The following FNDC3B variants were observed in gnomAD, a reference collection of about 807,000 sequenced individuals.
FNDC3B encodes the protein fibronectin type III domain-containing protein 3B.
A neutral mutation model predicts 151.5 loss-of-function variants in FNDC3B; 12 were observed. That is an observed-to-expected ratio of 0.08 (90% CI 0.05 to 0.13). The LOEUF (loss-of-function observed/expected upper bound fraction) is 0.13, where lower values mean the gene tolerates loss of function less well. Among genes scored for constraint, FNDC3B ranks in the 10% least tolerant of loss-of-function variants. The pLI is 1.00. For missense variants in FNDC3B, 1,214 were observed against 1,505.3 expected (o/e 0.81, Z 3.20); for synonymous variants, 528 against 549.0 (o/e 0.96, Z 0.54).
At chr3:172,192,310 C>A (rs1724560716) in intron 3 of FNDC3B, among the ~76,000 whole-genome samples, 1 of 151,538 alleles carries the variant, frequency 6.6e-6, no homozygotes, top group African/African-American at 2.4e-5. Flanking sequence ...GTAGCTGGGA[C>A]CACAGGCATG....
chr3:172,138,748 A>G (rs948285565), intron 3 of FNDC3B, among the ~76,000 whole-genome samples: 2 of 152,252 alleles, frequency 1.3e-5, no homozygotes, highest in African/African-American at 4.8e-5. Context: ...ATAATTTAGG[A>G]ATCTTTTACC....
At chr3:172,074,682 C>G (rs1190588128) in intron 1 of FNDC3B, among the ~76,000 whole-genome samples, 1 of 152,124 alleles carries the variant, frequency 6.6e-6, no homozygotes, top group African/African-American at 2.4e-5. Flanking sequence ...GTAATTTAAG[C>G]CTGTTTTGAG....
rs567313221 is a variant in FNDC3B at position 172,118,382 on chromosome 3, G to C, written c.111+5792G>C. On this transcript the variant is annotated intron_variant, in intron 2 of 25. Coordinates refer to ENST00000415807, the MANE Select transcript of FNDC3B (RefSeq NM_022763.4). ...ATATACTGATAGCCACGGTGTCGGG[G>C]GACCCGTGAAGAGTTTTGCTTACAT... Among the ~76,000 whole-genome samples the C allele has an allele frequency of 1.6e-3, 246 of 152,270 alleles. 12 individuals are homozygous for C. In the South Asian group the frequency reaches 0.049, roughly 30 times the overall value.
At chr3:172,046,729 T>C (rs1287358876) in intron 1 of FNDC3B, among the ~76,000 whole-genome samples, 2 of 152,200 alleles carry the variant, frequency 1.3e-5, no homozygotes, top group Non-Finnish European at 2.9e-5. Flanking sequence ...ACAGTGTTAT[T>C]TGAGGTTCTA....
At chr3:172,127,118 A>G (rs1435173101) in intron 2 of FNDC3B, 3 of 454,684 alleles carry the variant, frequency 6.6e-6, no homozygotes, top group Non-Finnish European at 1.3e-5. Context: ...TTTGGTAAAA[A>G]ATTTTTCTTG....
At chr3:172,049,579 G>C (rs1465463981) in intron 1 of FNDC3B, among the ~76,000 whole-genome samples, 1 of 152,092 alleles carries the variant, frequency 6.6e-6, no homozygotes, top group African/African-American at 2.4e-5. Context: ...CCAGGGTGGA[G>C]TGCAATGGCG....
intron 1 of FNDC3B, among the ~76,000 whole-genome samples, chr3:172,074,435 A>G (rs535019265): frequency 1.3e-5 from 2 of 152,330 alleles, no homozygotes; most frequent in Admixed American, 6.5e-5. Flanking sequence ...TAAAAAGGAA[A>G]AATTAGCACA....
intron 25 of FNDC3B, among the ~76,000 whole-genome samples, chr3:172,387,179 A>G (rs1735761356): frequency 6.6e-6 from 1 of 152,106 alleles, no homozygotes; most frequent in African/African-American, 2.4e-5. Flanking sequence ...CTGGTCTTGA[A>G]CTGCTGACCT....
At chr3:172,291,475 T>C (rs1190303975) in intron 7 of FNDC3B, among the ~76,000 whole-genome samples, 1 of 152,198 alleles carries the variant, frequency 6.6e-6, no homozygotes, top group East Asian at 1.9e-4. Flanking sequence ...TGATTTATAA[T>C]TAGTATGTGA....
chr3:172,112,698 AT>A lies in FNDC3B; in HGVS notation c.111+111del, dbSNP rs1270071657. The A allele has an allele frequency of 3.8e-6, 3 of 781,542 alleles. No individual in the cohort carries two copies. In the Admixed American group the frequency reaches 5.9e-5, roughly 15 times the overall value. 48.4% of individuals were successfully genotyped at this position (781,542 alleles called of 1,614,324 possible). The stretch of plus-strand genomic sequence containing the variant: ...AAGGTTTGTGATTTCAAACCTTAGC[AT>A]TTCTAGAGGTAAGTGTTTTTGTTGT... On this transcript the variant is annotated intron_variant, in intron 2 of 25. Coordinates refer to ENST00000415807, the MANE Select transcript of FNDC3B (RefSeq NM_022763.4).
At chr3:172,339,980 G>A (rs1733210013) in intron 16 of FNDC3B, among the ~76,000 whole-genome samples, 1 of 152,174 alleles carries the variant, frequency 6.6e-6, no homozygotes, top group Admixed American at 6.5e-5. Context: ...TAAAATACCA[G>A]GGAATAGAAA....
intron 3 of FNDC3B, among the ~76,000 whole-genome samples, chr3:172,194,938 A>G (rs1418287995): frequency 6.6e-6 from 1 of 152,204 alleles, no homozygotes; most frequent in Admixed American, 6.5e-5. Context: ...AGGACTCCTT[A>G]GCACCGCTGG....
intron 1 of FNDC3B, among the ~76,000 whole-genome samples, chr3:172,112,175 T>G (rs1720009001): frequency 6.6e-6 from 1 of 152,232 alleles, no homozygotes; most frequent in South Asian, 2.1e-4. Flanking sequence ...AATCTACCTT[T>G]AAGCCTGACT....
At chr3:172,353,860 T>C (rs1257654358) in intron 22 of FNDC3B, among the ~76,000 whole-genome samples, 3 of 152,136 alleles carry the variant, frequency 2.0e-5, no homozygotes, top group Non-Finnish European at 4.4e-5. Flanking sequence ...GAAACTCACA[T>C]TGGGAGAATG....
intron 1 of FNDC3B, among the ~76,000 whole-genome samples, chr3:172,103,170 T>A (rs1193088294): frequency 2.6e-5 from 4 of 152,198 alleles, no homozygotes. Flanking sequence ...TTGGTAAACT[T>A]TTTTTGTAGA....
chr3:172,280,062 G>A (rs770952190), intron 6 of FNDC3B, among the ~76,000 whole-genome samples: 7 of 152,118 alleles, frequency 4.6e-5, no homozygotes, highest in Non-Finnish European at 1.0e-4. Flanking sequence ...CTACAGGCAT[G>A]TGCCACCAAG....
At chr3:172,092,700 G>A (rs1718900891) in intron 1 of FNDC3B, among the ~76,000 whole-genome samples, 2 of 152,238 alleles carry the variant, frequency 1.3e-5, no homozygotes, top group South Asian at 4.1e-4. Context: ...TGGAAAAGAG[G>A]AGGAGAGAAT....
chr3:172,197,424 T>C (rs7640569), intron 3 of FNDC3B, among the ~76,000 whole-genome samples: 131,094 of 152,112 alleles, frequency 0.86, 56,777 homozygotes, highest in Non-Finnish European at 0.92. Context: ...GTATTTCCCA[T>C]AAACAAGGAT....
intron 3 of FNDC3B, among the ~76,000 whole-genome samples, chr3:172,183,279 C>T (rs1472669211): frequency 6.6e-6 from 1 of 152,174 alleles, no homozygotes; most frequent in Non-Finnish European, 1.5e-5. Context: ...TACCCTTTTG[C>T]TCCCAATTTC....
Sources: gnomAD v4.1 joint callset for allele counts (sites outside exome capture counted in the v4.1 genomes callset) on GRCh38, gnomAD v4.1.1 for gene constraint, MANE v1.5 for transcripts, NCBI Gene and HGNC (gene_info 2026-07-23, HGNC 2026-07-21) for gene names.